Variants in GREM1 observed in about 807,000 individuals in gnomAD.
GREM1 encodes gremlin-1.
In GREM1, 6 loss-of-function variants were observed where a neutral mutation model predicts 13.1. The ratio of observed to expected loss-of-function variants is 0.46; its 90% CI spans 0.25 to 0.91. The LOEUF (loss-of-function observed/expected upper bound fraction) is 0.91, where lower values mean the gene tolerates loss of function less well. Ranked by LOEUF, GREM1 falls within the 40% of genes least tolerant of loss-of-function variation. The pLI is 0.18. For missense variants in GREM1, 185 were observed against 233.9 expected (o/e 0.79, Z 1.36); for synonymous variants, 98 against 93.7 (o/e 1.05, Z -0.27).
rs1412591540 is a variant in GREM1, at chr15:32,738,612, TAG to T, written c.*7368_*7369del. 1.3e-5 allele frequency: 2 copies of T among 152,128 alleles called. No homozygotes were observed. Among genetic ancestry groups the T allele is most frequent in the African/African-American group, 4.8e-5 (2 of 41,436 alleles). 9.4% of individuals were successfully genotyped at this position (152,128 alleles called of 1,614,324 possible). On this transcript the variant is annotated 3_prime_UTR_variant, in exon 2 of 2. Coordinates refer to ENST00000651154, the MANE Select transcript of GREM1 (RefSeq NM_013372.7). The stretch of plus-strand genomic sequence containing the variant: ...ATAAGAAATTGAAAGGGATCCACAA[TAG>T]CCAAAATAATCTTAAAAAAGATTTT...
rs1327377654 is a variant in GREM1, at chr15:32,737,856, A to T, written c.*6611A>T. The T allele has an allele frequency of 7.2e-6, 1 of 139,752 alleles. No homozygotes were observed. Among genetic ancestry groups the T allele is most frequent in the Non-Finnish European group, 1.5e-5 (1 of 65,556 alleles). The allele number at this position is 139,752 out of a possible 1,614,324, so 8.7% of individuals were successfully genotyped here. A position where few individuals can be genotyped will look rare whatever the true frequency, so the allele number is the denominator to read the frequency against. ...GGCAGGAGAATCGGTTGAACCCAGG[A>T]GGTGGAGGTTCTGGTGAGCCGAGAT... On this transcript the variant is annotated 3_prime_UTR_variant, in exon 2 of 2. Transcript: ENST00000651154.
chr15:32,740,571 G>C lies in GREM1; in HGVS notation c.*9326G>C, dbSNP rs1377772256. 2 of 151,914 alleles carry C rather than the reference G, an allele frequency of 1.3e-5. No homozygotes were observed. Among genetic ancestry groups the C allele is most frequent in the African/African-American group, 2.4e-5 (1 of 41,340 alleles). 9.4% of individuals were successfully genotyped at this position (151,914 alleles called of 1,614,324 possible). Reference sequence around the variant, plus strand: ...AGAGGAGAAATTAAAATGAAAAAGAGTGAAAAAAAGCCCAAGGGTCTTATG... The same window carrying C: ...AGAGGAGAAATTAAAATGAAAAAGACTGAAAAAAAGCCCAAGGGTCTTATG... On this transcript the variant is annotated 3_prime_UTR_variant, in exon 2 of 2. Transcript: ENST00000651154.
rs1200082572 is a variant in GREM1 at position 32,730,824 on chromosome 15, A to G, written c.134A>G (p.Glu45Gly). 1.2e-6 allele frequency: 2 copies of G among 1,613,942 alleles called. No individual in the cohort carries two copies. The highest frequency in any genetic ancestry group is 3.3e-5 in the Admixed American group (2 of 60,014). Residue 45 changes from glutamate (E) to glycine (G), a missense_variant, in exon 2 of 2, where the codon GAG becomes GGG. By Grantham distance (98) the Glu-to-Gly change is moderately conservative. Coordinates refer to ENST00000651154, the MANE Select transcript of GREM1 (RefSeq NM_013372.7). Reference sequence around the variant, plus strand: ...GACAAGGCCCAGCACAATGACTCAGAGCAGACTCAGTCGCCCCAGCAGCCT... The same window carrying G: ...GACAAGGCCCAGCACAATGACTCAGGGCAGACTCAGTCGCCCCAGCAGCCT... ...PPDKAQHNDSEQTQSPQQPGS... is the reference protein window; with the variant it reads ...PPDKAQHNDSGQTQSPQQPGS...
chr15:32,719,613 A>C (rs1446981068), intron 1 of GREM1, among the ~76,000 whole-genome samples: 1 of 152,086 alleles, frequency 6.6e-6, no homozygotes, highest in African/African-American at 2.4e-5. Flanking sequence ...GAAAGAGCAA[A>C]TCTGAGCGGT....
At position 32,734,609 on chromosome 15, in the gene GREM1, A is replaced by G. The variant is rs1240768436; in HGVS notation, c.*3364A>G. 1 of 246,156 alleles carries G rather than the reference A, an allele frequency of 4.1e-6. No individual in the cohort carries two copies. Among genetic ancestry groups the G allele is most frequent in the African/African-American group, 2.2e-5 (1 of 45,272 alleles). The allele number at this position is 246,156 out of a possible 1,614,324, so 15.2% of individuals were successfully genotyped here. On this transcript the variant is annotated 3_prime_UTR_variant, in exon 2 of 2. Coordinates refer to ENST00000651154, the MANE Select transcript of GREM1 (RefSeq NM_013372.7). ...TAACTAGAATTTAATTTTCACCCCA[A>G]TAATGTTCTATATAGCCTTTGCTAA...
Position 32,733,184 on chromosome 15 carries a change from G to A in GREM1, c.*1939G>A, listed in dbSNP as rs1230232064. ...TCCAAACACATAGTGTGTGTGTTTT[G>A]TATACACTGTATGACCCCACCCCAA... On this transcript the variant is annotated 3_prime_UTR_variant, in exon 2 of 2. Coordinates refer to ENST00000651154, the MANE Select transcript of GREM1 (RefSeq NM_013372.7). 1 of 227,230 alleles carries A rather than the reference G, an allele frequency of 4.4e-6. No individual in the cohort carries two copies. The highest frequency in any genetic ancestry group is 2.3e-5 in the African/African-American group (1 of 44,152). 14.1% of individuals were successfully genotyped at this position (227,230 alleles called of 1,614,324 possible).
intron 1 of GREM1, among the ~76,000 whole-genome samples, chr15:32,727,245 T>C (rs1160055660): frequency 1.3e-5 from 2 of 152,310 alleles, no homozygotes; most frequent in South Asian, 4.1e-4. Context: ...TGAACATTGA[T>C]GTGAAAATCC....
rs2055709178 is a variant in GREM1, at chr15:32,737,434, A to G, written c.*6189A>G. On this transcript the variant is annotated 3_prime_UTR_variant, in exon 2 of 2. Coordinates refer to ENST00000651154, the MANE Select transcript of GREM1 (RefSeq NM_013372.7). ...GGATTATATACCTTGACCAAGTGGG[A>G]TTTGCCCCAGGAATGCAAGATTGAT... 6.6e-6 allele frequency: 1 copy of G among 152,334 alleles called. No individual in the cohort carries two copies. The highest frequency in any genetic ancestry group is 1.5e-5 in the Non-Finnish European group (1 of 68,026). 9.4% of individuals were successfully genotyped at this position (152,334 alleles called of 1,614,324 possible).
rs1334730277 is a variant in GREM1, at chr15:32,732,948, T to G, written c.*1703T>G. 1.3e-5 allele frequency: 3 copies of G among 222,262 alleles called. No homozygotes were observed. Among genetic ancestry groups the G allele is most frequent in the African/African-American group, 6.8e-5 (3 of 43,964 alleles). 13.8% of individuals were successfully genotyped at this position (222,262 alleles called of 1,614,324 possible). A position where few individuals can be genotyped will look rare whatever the true frequency, so the allele number is the denominator to read the frequency against. ...AAAACAAACACTGCAGACTTGAGAT[T>G]CAGTTGCCGATCAAGGCTCTGGCAT... On this transcript the variant is annotated 3_prime_UTR_variant, in exon 2 of 2. Coordinates refer to ENST00000651154, the MANE Select transcript of GREM1 (RefSeq NM_013372.7).
At position 32,744,571 on chromosome 15, in the gene GREM1, T is replaced by C. The variant is rs1318978999; in HGVS notation, c.*13326T>C. On this transcript the variant is annotated 3_prime_UTR_variant, in exon 2 of 2. Coordinates refer to ENST00000651154, the MANE Select transcript of GREM1 (RefSeq NM_013372.7). ...CTGGGCGACAGAGTGAGACTCAGCTTCAAAAAAAAAAAAAAAAAAGAAAGT... is the reference window on the plus strand; with the variant it reads ...CTGGGCGACAGAGTGAGACTCAGCTCCAAAAAAAAAAAAAAAAAAGAAAGT... The C allele has an allele frequency of 1.1e-5, 1 of 95,070 alleles. No homozygotes were observed. The highest frequency in any genetic ancestry group is 3.9e-5 in the African/African-American group (1 of 25,414). The allele number at this position is 95,070 out of a possible 1,614,324, so 5.9% of individuals were successfully genotyped here.
chr15:32,722,476 A>G (rs1306361068), intron 1 of GREM1, among the ~76,000 whole-genome samples: 1 of 152,218 alleles, frequency 6.6e-6, no homozygotes, highest in Non-Finnish European at 1.5e-5. Context: ...CAGCAAGAAG[A>G]GGGATGGAAA....
intron 1 of GREM1, chr15:32,718,552 TCGG>T (rs760892804): frequency 2.3e-6 from 1 of 443,586 alleles, no homozygotes; most frequent in South Asian, 1.6e-5. Context: ...GACCTGCTAG[TCGG>T]CCGCTGACTG....
chr15:32,719,032 C>T, intron 1 of GREM1: 1 of 155,588 alleles, frequency 6.4e-6, no homozygotes, highest in Non-Finnish European at 1.4e-5. Flanking sequence ...CGCCTTGCAG[C>T]GCCTCACTAG....
In GREM1 at chr15:32,741,486, G is replaced by A. The variant is rs971817017; in HGVS notation, c.*10241G>A. 1.3e-5 allele frequency: 2 copies of A among 151,122 alleles called. No homozygotes were observed. Among genetic ancestry groups the A allele is most frequent in the African/African-American group, 4.9e-5 (2 of 41,076 alleles). 9.4% of individuals were successfully genotyped at this position (151,122 alleles called of 1,614,324 possible). A position where few individuals can be genotyped will look rare whatever the true frequency, so the allele number is the denominator to read the frequency against. ...TAATTTTTGTTTAAGATAGTTCATC[G>A]TTGGTATAGAAATGCCATTGATTTT... On this transcript the variant is annotated 3_prime_UTR_variant, in exon 2 of 2. Transcript: ENST00000651154.
chr15:32,739,193 G>A lies in GREM1; in HGVS notation c.*7948G>A, dbSNP rs1054730966. The A allele has an allele frequency of 6.6e-6, 1 of 152,168 alleles. No individual in the cohort carries two copies. Among genetic ancestry groups the A allele is most frequent in the Non-Finnish European group, 1.5e-5 (1 of 68,032 alleles). 9.4% of individuals were successfully genotyped at this position (152,168 alleles called of 1,614,324 possible). ...AAAGAACTGCTACCCTGAAAGAATT[G>A]TTGTAAGGCAAATACCCCTGTAATT... On this transcript the variant is annotated 3_prime_UTR_variant, in exon 2 of 2. Coordinates refer to ENST00000651154, the MANE Select transcript of GREM1 (RefSeq NM_013372.7).
At position 32,738,119 on chromosome 15, in the gene GREM1, A is replaced by G. The variant is rs1355721373; in HGVS notation, c.*6874A>G. ...AAAAAAAAAAAAAAAAAAAAAAAAAAAAAAAAAAAAAAAAGAAAAGAAAAA... is the reference window on the plus strand; with the variant it reads ...AAAAAAAAAAAAAAAAAAAAAAAAAGAAAAAAAAAAAAAAGAAAAGAAAAA... On this transcript the variant is annotated 3_prime_UTR_variant, in exon 2 of 2. Transcript: ENST00000651154. 6.8e-5 allele frequency: 9 copies of G among 131,878 alleles called. 1 individual carries two copies. Among genetic ancestry groups the G allele is most frequent in the African/African-American group, 2.7e-4 (9 of 33,570 alleles). 8.2% of individuals were successfully genotyped at this position (131,878 alleles called of 1,614,324 possible).
chr15:32,729,608 C>G (rs1003144847), intron 1 of GREM1, among the ~76,000 whole-genome samples: 1 of 152,092 alleles, frequency 6.6e-6, no homozygotes, highest in Non-Finnish European at 1.5e-5. Context: ...ACCTCACCTC[C>G]TTGTTATTTT....
In GREM1 at chr15:32,737,101, A is replaced by G. The variant is rs759706394; in HGVS notation, c.*5856A>G. 3 of 152,248 alleles carry G rather than the reference A, an allele frequency of 2.0e-5. No homozygotes were observed. The highest frequency in any genetic ancestry group is 4.4e-5 in the Non-Finnish European group (3 of 68,044). 9.4% of individuals were successfully genotyped at this position (152,248 alleles called of 1,614,324 possible). On this transcript the variant is annotated 3_prime_UTR_variant, in exon 2 of 2. Transcript: ENST00000651154. Reference sequence around the variant, plus strand: ...AAAAAATAAAAATCTGAATAGAGCTATCACAAGTAAAGAGATTAAATAAGC... The same window carrying G: ...AAAAAATAAAAATCTGAATAGAGCTGTCACAAGTAAAGAGATTAAATAAGC...
chr15:32,719,858 C>CT (rs1237704819), intron 1 of GREM1, among the ~76,000 whole-genome samples: 2 of 151,988 alleles, frequency 1.3e-5, no homozygotes, highest in African/African-American at 2.4e-5. Flanking sequence ...CCCCTTTTCT[C>CT]TTTTTTTGGA....
Sources: gnomAD v4.1 joint callset for allele counts (sites outside exome capture counted in the v4.1 genomes callset) on GRCh38, gnomAD v4.1.1 for gene constraint, MANE v1.5 for transcripts, NCBI Gene and HGNC (gene_info 2026-07-23, HGNC 2026-07-21) for gene names.